Variants in HIPK1 observed in about 807,000 individuals in gnomAD.
HIPK1 encodes homeodomain interacting protein kinase 1.
A neutral mutation model predicts 117.1 loss-of-function variants in HIPK1; 28 were observed. That is an observed-to-expected ratio of 0.24 (90% confidence interval 0.18 to 0.33). HIPK1 has a LOEUF of 0.33. Ranked by LOEUF, HIPK1 falls within the 10% of genes least tolerant of loss-of-function variation. The pLI is 1.00. For synonymous variants in HIPK1, 605 were observed against 562.5 expected, an observed-to-expected ratio of 1.08 and a Z score of -1.07; for missense variants, 1,122 against 1,475.1, an observed-to-expected ratio of 0.76 and a Z score of 3.92.
At chr1:113,968,698 TC>T in intron 13 of HIPK1, 50 bp downstream of exon 13, 1 of 1,493,512 alleles carries the variant, frequency 6.7e-7, no homozygotes, top group Non-Finnish European at 9.3e-7. Context: ...ACTGTTGGCC[TC>T]AGGCAAGTGG....
At chr1:113,959,338 C>A (rs553026761) in intron 8 of HIPK1, among the ~76,000 whole-genome samples, 1 of 151,884 alleles carries the variant, frequency 6.6e-6, no homozygotes, top group Non-Finnish European at 1.5e-5. Flanking sequence ...AGAGCAATAG[C>A]GATATAAACC....
At chr1:113,957,397 G>T in intron 7 of HIPK1, 111 bp downstream of exon 7, 1 of 789,258 alleles carries the variant, frequency 1.3e-6, no homozygotes. Context: ...TTGCTTCTTA[G>T]AAATTCTCCA....
intron 1 of HIPK1, among the ~76,000 whole-genome samples, chr1:113,932,378 T>TG (rs1294248020): frequency 2.0e-5 from 3 of 150,630 alleles, no homozygotes; most frequent in African/African-American, 7.3e-5. Context: ...CTGTTTTTTT[T>TG]TTTTTTTTTT....
At chr1:113,953,848 C>T (rs937733771) in intron 3 of HIPK1, 2 of 151,656 alleles carry the variant, frequency 1.3e-5, no homozygotes, top group African/African-American at 4.8e-5. Flanking sequence ...ATGTTCCTGC[C>T]CTTTATGATG....
intron 15 of HIPK1, among the ~76,000 whole-genome samples, chr1:113,972,431 C>T (rs1006920906): frequency 1.3e-5 from 2 of 152,174 alleles, no homozygotes; most frequent in Admixed American, 6.5e-5. Flanking sequence ...TCCGAACACC[C>T]CCAGCCCCAA....
At chr1:113,957,481 A>G (rs1030493698) in intron 7 of HIPK1, among the ~76,000 whole-genome samples, 195 bp downstream of exon 7, 10 of 152,222 alleles carry the variant, frequency 6.6e-5, no homozygotes, top group East Asian at 1.9e-4. Flanking sequence ...AGTTAAATAT[A>G]AAGGCCTAAT....
In HIPK1 at chr1:113,976,729, T is replaced by G. The variant is rs10732635; in HGVS notation, c.*3217T>G. 72,644 of 152,710 alleles carry G rather than the reference T, an allele frequency of 0.48. 17,726 individuals carry two copies. The highest frequency in any genetic ancestry group is 0.6 in the East Asian group (3,166 of 5,308). 9.5% of individuals were successfully genotyped at this position (152,710 alleles called of 1,614,324 possible). ...ATTCTGTCCCTGGGGTTAGCCCTGTTGGCCCTGACAGGAAGGGAGGAAGCC... is the reference window on the plus strand; with the variant it reads ...ATTCTGTCCCTGGGGTTAGCCCTGTGGGCCCTGACAGGAAGGGAGGAAGCC... On this transcript the variant is annotated 3_prime_UTR_variant, in exon 16 of 16. Transcript: ENST00000426820.
intron 2 of HIPK1, among the ~76,000 whole-genome samples, chr1:113,948,116 A>G (rs1393370008): frequency 6.6e-6 from 1 of 152,232 alleles, no homozygotes; most frequent in East Asian, 1.9e-4. Flanking sequence ...TAAAGTATTC[A>G]GTCCTTAGAG....
rs117463870 is a variant in HIPK1, at chr1:113,954,212, C to T, written c.1201-439C>T. On this transcript the variant is annotated intron_variant, in intron 3 of 15. Transcript: ENST00000426820. ...TCCCAGGCTCAAGCTATCCTCCTACCTTGGCCTCCCAAAGTACTGGGATTA... is the reference window on the plus strand; with the variant it reads ...TCCCAGGCTCAAGCTATCCTCCTACTTTGGCCTCCCAAAGTACTGGGATTA... Among the ~76,000 whole-genome samples, 1,105 of 152,212 alleles carry T rather than the reference C, an allele frequency of 7.3e-3. 25 individuals are homozygous for T. In the East Asian group the frequency reaches 0.096, roughly 13 times the overall value.
intron 14 of HIPK1, among the ~76,000 whole-genome samples, chr1:113,970,953 C>CA (rs1672785850): frequency 6.6e-6 from 1 of 152,184 alleles, no homozygotes; most frequent in Non-Finnish European, 1.5e-5. Flanking sequence ...CACCTAGATG[C>CA]AAGTGAGCCC....
intron 1 of HIPK1, among the ~76,000 whole-genome samples, chr1:113,936,302 T>G (rs762552308): frequency 6.6e-6 from 1 of 152,202 alleles, no homozygotes; most frequent in Non-Finnish European, 1.5e-5. Flanking sequence ...ACTATAATCA[T>G]TTAATATTAA....
intron 8 of HIPK1, among the ~76,000 whole-genome samples, chr1:113,959,030 A>G (rs144962363): frequency 1.3e-5 from 2 of 152,152 alleles, no homozygotes; most frequent in East Asian, 3.9e-4. Context: ...TTTTCTGTAT[A>G]TGGGAAATGT....
chr1:113,933,731 G>A (rs1248167942), intron 1 of HIPK1, among the ~76,000 whole-genome samples: 1 of 152,120 alleles, frequency 6.6e-6, no homozygotes, highest in African/African-American at 2.4e-5. Flanking sequence ...GCTGGGCGTG[G>A]TGGCATGTAC....
rs1282886406 is a variant in HIPK1 at position 113,974,162 on chromosome 1, A to G, written c.*650A>G. 1.3e-5 allele frequency: 2 copies of G among 152,342 alleles called. No individual in the cohort carries two copies. The highest frequency in any genetic ancestry group is 1.9e-4 in the East Asian group (1 of 5,344). The allele number at this position is 152,342 out of a possible 1,614,324, so 9.4% of individuals were successfully genotyped here. On this transcript the variant is annotated 3_prime_UTR_variant, in exon 16 of 16. Coordinates refer to ENST00000426820, the MANE Select transcript of HIPK1 (RefSeq NM_198268.3). ...TGGTTACGTATTACTCTGTGTTACTATTGAGATTCTCTCAATTGCTCCTGT... is the reference window on the plus strand; with the variant it reads ...TGGTTACGTATTACTCTGTGTTACTGTTGAGATTCTCTCAATTGCTCCTGT...
intron 13 of HIPK1, among the ~76,000 whole-genome samples, chr1:113,968,912 C>G (rs547714590): frequency 1.3e-5 from 2 of 152,064 alleles, no homozygotes; most frequent in Non-Finnish European, 2.9e-5. Context: ...CCCAGCTACT[C>G]GGGAGGCTGA....
chr1:113,938,929 TACACACAC>T (rs55979020), intron 1 of HIPK1, among the ~76,000 whole-genome samples: 1,923 of 115,490 alleles, frequency 0.017, 69 homozygotes, highest in African/African-American at 0.061. Context: ...AAAAAAAAAA[TACACACAC>T]ACACACACAC....
At chr1:113,936,984 A>G (rs141410460) in intron 1 of HIPK1, among the ~76,000 whole-genome samples, 2 of 152,340 alleles carry the variant, frequency 1.3e-5, no homozygotes, top group African/African-American at 4.8e-5. Context: ...GCTTAATTTT[A>G]TGATAAATAC....
chr1:113,943,299 C>T (rs1188244840), intron 2 of HIPK1, among the ~76,000 whole-genome samples: 1 of 152,202 alleles, frequency 6.6e-6, no homozygotes, highest in Non-Finnish European at 1.5e-5. Flanking sequence ...CTCTCTTCTT[C>T]CTACCACTGG....
rs779964798 is a variant in HIPK1, at chr1:113,958,208, C to G, written c.1898C>G (p.Ser633Cys). The change falls in exon 8 of 16, where the codon TCC (serine) becomes TGC (cysteine). Residue 633 changes from serine to cysteine, a missense_variant. Ser to Cys is a moderately radical substitution (Grantham distance 112). This residue lies in a region of HIPK1 where 731 missense variants were observed against 860.4 expected (regional missense o/e 0.85). Coordinates refer to ENST00000426820, the MANE Select transcript of HIPK1 (RefSeq NM_198268.3). ...CCTGGAGTTGCCCAGCAGGGTGTTT[C>G]CTTGCAGCCTGGAACCACCCAGATT... ...PVPGVAQQGV[S>C]LQPGTTQICT... The G allele has an allele frequency of 6.2e-7, 1 of 1,614,186 alleles. No homozygotes were observed. Among genetic ancestry groups the G allele is most frequent in the South Asian group, 1.1e-5 (1 of 91,082 alleles).
Sources: allele counts gnomAD v4.1 joint callset (sites outside exome capture counted in the v4.1 genomes callset), GRCh38; gene constraint gnomAD v4.1.1; regional missense constraint gnomAD v4.1.1; transcripts MANE v1.5; gene names NCBI Gene and HGNC (gene_info 2026-07-23, HGNC 2026-07-21).